Variants in PIP5K1C observed in about 807,000 individuals in gnomAD.
The protein encoded by PIP5K1C is phosphatidylinositol 4-phosphate 5-kinase type-1 gamma.
PIP5K1C carries 45 observed loss-of-function variants against 80.1 expected under a neutral mutation model. The observed-to-expected ratio is 0.56, with a 90% confidence interval of 0.44 to 0.72. PIP5K1C has a LOEUF of 0.72. PIP5K1C is among the 30% of genes least tolerant of loss of function. PIP5K1C has a pLI of 0.00. For missense variants in PIP5K1C, 753 were observed against 954.6 expected, an observed-to-expected ratio of 0.79 and a Z score of 2.78; for synonymous variants, 498 against 420.1, an observed-to-expected ratio of 1.19 and a Z score of -2.27.
chr19:3,660,366 C>T (rs1434728367), intron 5 of PIP5K1C, among the ~76,000 whole-genome samples: 5 of 150,464 alleles, frequency 3.3e-5, no homozygotes, highest in South Asian at 2.1e-4. Context: ...GGCGACAGAG[C>T]GAGACTCTGT....
chr19:3,653,971 T>G (rs537130730), intron 6 of PIP5K1C, among the ~76,000 whole-genome samples: 74 of 152,288 alleles, frequency 4.9e-4, no homozygotes, highest in Non-Finnish European at 5.6e-4. Flanking sequence ...TGTATGTATA[T>G]GCACACACAA....
At position 3,653,523 on chromosome 19, in the gene PIP5K1C, C is replaced by T; in HGVS notation, c.688G>A (p.Gly230Ser). The T allele has an allele frequency of 1.2e-6, 2 of 1,613,800 alleles. No homozygotes were observed. The highest frequency in any genetic ancestry group is 1.7e-6 in the Non-Finnish European group (2 of 1,179,974). ...FYGLYCVQSGGKNIRVVVMNN... is the reference protein window; with the variant it reads ...FYGLYCVQSGSKNIRVVVMNN... ...ATGACCACGACGCGGATGTTCTTGCCCCCCGACTGCACGCAGTACAGCCCA... is the reference window on the plus strand; with the variant it reads ...ATGACCACGACGCGGATGTTCTTGCTCCCCGACTGCACGCAGTACAGCCCA... Residue 230 changes from glycine (G) to serine (S), a missense_variant, in exon 7 of 18, where the codon GGC becomes AGC. Gly to Ser is a moderately conservative substitution (Grantham distance 56). Transcript: ENST00000335312.
intron 2 of PIP5K1C, among the ~76,000 whole-genome samples, chr19:3,665,841 C>G (rs1325417806): frequency 6.6e-6 from 1 of 152,136 alleles, no homozygotes; most frequent in Non-Finnish European, 1.5e-5. Context: ...ACAGCCCCGC[C>G]TGGCACCGTC....
At chr19:3,633,805 G>A (rs1234773717) in intron 16 of PIP5K1C, among the ~76,000 whole-genome samples, 2 of 152,062 alleles carry the variant, frequency 1.3e-5, no homozygotes, top group Non-Finnish European at 2.9e-5. Flanking sequence ...GACAGAGCCG[G>A]CGGAAGCGGG....
At chr19:3,678,574 G>A (rs1433170793) in intron 1 of PIP5K1C, among the ~76,000 whole-genome samples, 3 of 88,730 alleles carry the variant, frequency 3.4e-5, no homozygotes, top group Non-Finnish European at 7.0e-5. Context: ...ATGGAGGGAG[G>A]GATGGAGGGA....
rs1456128468 is a variant in PIP5K1C at position 3,664,807 on chromosome 19, G to A, written c.219+15C>T. Reference sequence around the variant, plus strand: ...TGTCCCGCTCCCTCCAGCCAGCTAAGGGGAGCCGAGGAACCTTCTTGTAGG... The same window carrying A: ...TGTCCCGCTCCCTCCAGCCAGCTAAAGGGAGCCGAGGAACCTTCTTGTAGG... On this transcript the variant is annotated intron_variant, in intron 3 of 17. Coordinates refer to ENST00000335312, the MANE Select transcript of PIP5K1C (RefSeq NM_012398.3). 6.2e-7 allele frequency: 1 copy of A among 1,603,832 alleles called. No individual in the cohort carries two copies.
Position 3,688,467 on chromosome 19 carries a change from C to A in PIP5K1C, c.94+11830G>T, listed in dbSNP as rs151125523. ...TTTCCAGGGCAGCACCCCCAGGACT[C>A]TGGGGCACACACGTCCCCAGGCAGC... On this transcript the variant is annotated intron_variant, in intron 1 of 17. Coordinates refer to ENST00000335312, the MANE Select transcript of PIP5K1C (RefSeq NM_012398.3). This position sits in a 1 kb window ranked among gnomAD's most constrained non-coding sequence, Gnocchi z 5.3. 4.3e-3 allele frequency among the ~76,000 whole-genome samples: 658 copies of A among 152,244 alleles called. 5 individuals carry two copies. The highest frequency in any genetic ancestry group is 0.015 in the African/African-American group (633 of 41,552).
At chr19:3,686,067 G>A (rs1004893903) in intron 1 of PIP5K1C, among the ~76,000 whole-genome samples, 1 of 151,872 alleles carries the variant, frequency 6.6e-6, no homozygotes, top group Non-Finnish European at 1.5e-5. Context: ...TGCCGAGGCT[G>A]GTCTCAAACT....
intron 1 of PIP5K1C, among the ~76,000 whole-genome samples, chr19:3,682,497 T>C (rs1035397657): frequency 4.0e-5 from 6 of 151,062 alleles, no homozygotes; most frequent in Admixed American, 6.6e-5. Context: ...CCGAGCAACA[T>C]AGCAAGACAT....
At chr19:3,633,621 A>G (rs1022705953) in intron 16 of PIP5K1C, 101 bp from the exon 17 acceptor site, 4 of 781,814 alleles carry the variant, frequency 5.1e-6, no homozygotes, top group African/African-American at 1.8e-5. Context: ...AACATAAAAG[A>G]GGCGAATCCC....
chr19:3,658,494 G>A (rs1460607498), intron 5 of PIP5K1C, among the ~76,000 whole-genome samples: 2 of 152,360 alleles, frequency 1.3e-5, no homozygotes, highest in Non-Finnish European at 1.5e-5. Context: ...TCCCCGCCAC[G>A]GCAGGACGCC....
intron 1 of PIP5K1C, among the ~76,000 whole-genome samples, chr19:3,700,052 C>T (rs1425156454): frequency 1.3e-5 from 2 of 152,166 alleles, no homozygotes; most frequent in African/African-American, 4.8e-5. Context: ...TCCCCAGCGG[C>T]GCCCACGCCG....
intron 8 of PIP5K1C, 47 bp downstream of exon 8, chr19:3,651,779 G>A (rs1379628278): frequency 1.3e-6 from 2 of 1,564,768 alleles, no homozygotes; most frequent in South Asian, 2.2e-5. Context: ...ACTGGAGCCT[G>A]TGGGGAAGGG....
chr19:3,653,194 G>GC lies in PIP5K1C; in HGVS notation c.921+95dup. 3 of 1,215,922 alleles carry GC rather than the reference G, an allele frequency of 2.5e-6. No homozygotes were observed. The Admixed American group carries it at 5.5e-5, about 22-fold the overall frequency. The allele number at this position is 1,215,922 out of a possible 1,614,324, so 75.3% of individuals were successfully genotyped here. Reference sequence around the variant, plus strand: ...TAGGCTGCAGGGCAGGTGGGCCTCGGCCTGGCACCCTCCCTGGCCCTGCCT... The same window carrying GC: ...TAGGCTGCAGGGCAGGTGGGCCTCGGCCCTGGCACCCTCCCTGGCCCTGCCT... On this transcript the variant is annotated intron_variant, in intron 7 of 17. Transcript: ENST00000335312.
chr19:3,687,499 G>GCACACATGCACCCGCA (rs1555729988), intron 1 of PIP5K1C, among the ~76,000 whole-genome samples: 21 of 151,026 alleles, frequency 1.4e-4, no homozygotes, highest in Non-Finnish European at 4.4e-5. Flanking sequence ...GCACATACAC[G>GCACACATGCACCCGCA]CACACATGCA....
intron 16 of PIP5K1C, among the ~76,000 whole-genome samples, chr19:3,633,933 A>T (rs924222177): frequency 6.6e-6 from 1 of 152,068 alleles, no homozygotes; most frequent in Non-Finnish European, 1.5e-5. Flanking sequence ...GGCTCCTGGA[A>T]GCTCTCTATG....
chr19:3,642,782 A>T (rs2074366670), intron 14 of PIP5K1C, 125 bp downstream of exon 14: 1 of 815,674 alleles, frequency 1.2e-6, no homozygotes, highest in Admixed American at 1.8e-5. Flanking sequence ...CGAGTGCTAC[A>T]ATCTTAAATC....
rs1391682958 is a variant in PIP5K1C at position 3,647,383 on chromosome 19, G to C, written c.1215C>G (p.Phe405Leu). 1.3e-6 allele frequency: 2 copies of C among 1,582,714 alleles called. No homozygotes were observed. Among genetic ancestry groups the C allele is most frequent in the East Asian group, 2.3e-5 (1 of 43,008 alleles). Residue 405 changes from phenylalanine to leucine, a missense_variant, in exon 10 of 18, where the codon TTC becomes TTG. Physicochemically the swap from Phe to Leu is conservative, Grantham distance 22. Around this residue, in one of 6 missense-constraint regions of PIP5K1C, gnomAD observed 114 missense variants for 152.4 expected, o/e 0.75. Coordinates refer to ENST00000335312, the MANE Select transcript of PIP5K1C (RefSeq NM_012398.3). ...GIIDILQSYR[F>L]IKKLEHTWKA... ...TCCAGGTGTGCTCCAGTTTCTTGATGAACCTGTGGAGAGAGCACCCGGAGT... is the reference window on the plus strand; with the variant it reads ...TCCAGGTGTGCTCCAGTTTCTTGATCAACCTGTGGAGAGAGCACCCGGAGT...
intron 1 of PIP5K1C, among the ~76,000 whole-genome samples, chr19:3,678,525 GGGATGGAT>G (rs1600065899): frequency 8.4e-6 from 1 of 118,794 alleles, no homozygotes; most frequent in African/African-American, 3.3e-5. Context: ...GATGGAGGGA[GGGATGGAT>G]GGAGGGAGGG....
Sources: gnomAD v4.1 joint callset for allele counts (sites outside exome capture counted in the v4.1 genomes callset) on GRCh38, gnomAD v4.1.1 for gene constraint, gnomAD v4.1.1 regional missense constraint, Gnocchi (gnomAD v3.1) non-coding constraint, MANE v1.5 for transcripts, NCBI Gene and HGNC (gene_info 2026-07-23, HGNC 2026-07-21) for gene names.